The following CYP7B1 variants were observed in gnomAD, a reference collection of about 807,000 sequenced individuals.
CYP7B1 encodes cytochrome P450 family 7 subfamily B member 1, also known as cytochrome P450 7B1.
CYP7B1 carries 29 observed loss-of-function variants against 42.7 expected under a neutral mutation model. The ratio of observed to expected loss-of-function variants is 0.68; its 90% confidence interval spans 0.51 to 0.93. The LOEUF (loss-of-function observed/expected upper bound fraction) is 0.93, where lower values mean the gene tolerates loss of function less well. Ranked by LOEUF, CYP7B1 falls within the 40% of genes least tolerant of loss-of-function variation. The pLI, the probability that CYP7B1 is intolerant of heterozygous loss-of-function variation, is 0.00. For synonymous variants in CYP7B1, 235 were observed against 218.2 expected (o/e 1.08, Z -0.68); for missense variants, 655 against 600.5 (o/e 1.09, Z -0.95).
At chr8:64,638,587 G>A (rs1805808495) in intron 1 of CYP7B1, among the ~76,000 whole-genome samples, 1 of 152,084 alleles carries the variant, frequency 6.6e-6, no homozygotes, top group Non-Finnish European at 1.5e-5. Context: ...ATAGACAGAA[G>A]ATATCAGGCC....
intron 1 of CYP7B1, among the ~76,000 whole-genome samples, chr8:64,766,501 C>T (rs1005908699): frequency 1.0e-4 from 15 of 149,584 alleles, no homozygotes; most frequent in South Asian, 8.4e-4. Context: ...GCAGGCGGAA[C>T]GGGACAAACG....
intron 1 of CYP7B1, among the ~76,000 whole-genome samples, chr8:64,633,661 A>G (rs1414676209): frequency 6.6e-6 from 1 of 152,194 alleles, no homozygotes; most frequent in Non-Finnish European, 1.5e-5. Flanking sequence ...ATGCACATGG[A>G]TAGGAAGAGT....
intron 1 of CYP7B1, among the ~76,000 whole-genome samples, chr8:64,751,422 T>C (rs946432759): frequency 8.5e-5 from 13 of 152,208 alleles, no homozygotes; most frequent in African/African-American, 2.9e-4. Context: ...AATATATGAA[T>C]ATAATTCCAT....
chr8:64,741,370 A>G (rs545661974), intron 1 of CYP7B1, among the ~76,000 whole-genome samples: 2 of 151,816 alleles, frequency 1.3e-5, no homozygotes, highest in Non-Finnish European at 2.9e-5. Context: ...CCCAGGTTGG[A>G]GTGTAATGGC....
intron 1 of CYP7B1, among the ~76,000 whole-genome samples, chr8:64,627,695 T>G (rs186682219): frequency 2.4e-3 from 370 of 152,318 alleles, no homozygotes; most frequent in African/African-American, 8.2e-3. Context: ...GAAGCTATTT[T>G]ATTGTTACAA....
intron 4 of CYP7B1, among the ~76,000 whole-genome samples, chr8:64,610,200 C>T (rs1204959552): frequency 1.3e-5 from 2 of 152,176 alleles, no homozygotes; most frequent in Non-Finnish European, 2.9e-5. Flanking sequence ...TATTATCTAA[C>T]CACCTTAGCT....
intron 1 of CYP7B1, among the ~76,000 whole-genome samples, chr8:64,744,200 T>C (rs1177593047): frequency 2.0e-5 from 3 of 152,188 alleles, no homozygotes; most frequent in Non-Finnish European, 1.5e-5. Flanking sequence ...AAATATTGTC[T>C]GTTTATTAAT....
At chr8:64,620,187 A>G (rs1805506645) in intron 2 of CYP7B1, among the ~76,000 whole-genome samples, 1 of 152,140 alleles carries the variant, frequency 6.6e-6, no homozygotes, top group South Asian at 2.1e-4. Flanking sequence ...ACCTATCTCT[A>G]AAAAAAGAAG....
intron 1 of CYP7B1, among the ~76,000 whole-genome samples, chr8:64,724,412 G>C (rs1455137696): frequency 6.6e-6 from 1 of 152,146 alleles, no homozygotes; most frequent in African/African-American, 2.4e-5. Context: ...CTCCCAAAGT[G>C]CTGGGATTAC....
At position 64,798,409 on chromosome 8, in the gene CYP7B1, C is replaced by A; in HGVS notation, c.122+57G>T. On this transcript the variant is annotated intron_variant, in intron 1 of 5. Coordinates refer to ENST00000310193, the MANE Select transcript of CYP7B1 (RefSeq NM_004820.5). ...GGGGGACTCCCCTCGCCATCTGGGT[C>A]GCGCGCGGCCCGCGGGGCCCAGGGC... is the stretch of plus-strand genomic sequence containing the variant. 4 of 1,441,908 alleles carry A rather than the reference C, an allele frequency of 2.8e-6. No individual in the cohort carries two copies. The South Asian group carries it at 5.8e-5, about 21-fold the overall frequency. 89.3% of individuals were successfully genotyped at this position (1,441,908 alleles called of 1,614,324 possible).
intron 1 of CYP7B1, among the ~76,000 whole-genome samples, chr8:64,723,523 A>T (rs1294786485): frequency 6.6e-6 from 1 of 152,234 alleles, no homozygotes; most frequent in Non-Finnish European, 1.5e-5. Context: ...TGAAATCTTT[A>T]TTAACACATT....
In CYP7B1 at chr8:64,594,367, C is replaced by A. The variant is rs756818238; in HGVS notation, c.*2275G>T. Among the ~76,000 whole-genome samples the A allele has an allele frequency of 7.2e-5, 11 of 152,056 alleles. No individual in the cohort carries two copies. Among genetic ancestry groups the A allele is most frequent in the Admixed American group, 2.0e-4 (3 of 15,262 alleles). ...ATAGTAGTATACTATGTATATACTA[C>A]AGAAATATGAATATATCTTTAAAAT... On this transcript the variant is annotated 3_prime_UTR_variant, in exon 6 of 6. Coordinates refer to ENST00000310193, the MANE Select transcript of CYP7B1 (RefSeq NM_004820.5).
intron 1 of CYP7B1, among the ~76,000 whole-genome samples, chr8:64,748,824 T>C (rs539533001): frequency 1.2e-4 from 19 of 152,276 alleles, no homozygotes; most frequent in Middle Eastern, 3.4e-3. Context: ...CAACAAATAG[T>C]GTTGAGCATT....
At chr8:64,660,965 A>G (rs1297429839) in intron 1 of CYP7B1, among the ~76,000 whole-genome samples, 2 of 152,248 alleles carry the variant, frequency 1.3e-5, no homozygotes, top group Non-Finnish European at 2.9e-5. Flanking sequence ...AAGTATAGTA[A>G]GAAAAACTCA....
chr8:64,798,221 T>TG (rs1804736304), intron 1 of CYP7B1, among the ~76,000 whole-genome samples: 2 of 152,242 alleles, frequency 1.3e-5, no homozygotes, highest in Non-Finnish European at 2.9e-5. Context: ...ACCTAGGGCT[T>TG]ATTACAACTT....
At chr8:64,786,723 A>G (rs1454067432) in intron 1 of CYP7B1, among the ~76,000 whole-genome samples, 8 of 152,232 alleles carry the variant, frequency 5.3e-5, no homozygotes, top group Non-Finnish European at 8.8e-5. Flanking sequence ...GCAATGCCCC[A>G]GGAGTGACTC....
intron 2 of CYP7B1, 124 bp from the exon 3 acceptor site, chr8:64,616,405 T>A (rs1021748146): frequency 1.0e-5 from 7 of 688,424 alleles, no homozygotes; most frequent in Non-Finnish European, 1.7e-5. Context: ...GCAAAAAGTT[T>A]AATACAAATC....
At chr8:64,796,347 AACAG>A (rs1804701894) in intron 1 of CYP7B1, among the ~76,000 whole-genome samples, 2 of 152,208 alleles carry the variant, frequency 1.3e-5, no homozygotes, top group Non-Finnish European at 2.9e-5. Context: ...TTATTGAAGA[AACAG>A]ACAATTATTT....
intron 1 of CYP7B1, among the ~76,000 whole-genome samples, chr8:64,687,139 TA>T (rs71260898): frequency 0.084 from 12,411 of 148,550 alleles, 772 homozygotes; most frequent in African/African-American, 0.16. Flanking sequence ...AAAATAAATT[TA>T]AAAAAAAAAC....
Sources: gnomAD v4.1 joint callset for allele counts (sites outside exome capture counted in the v4.1 genomes callset) on GRCh38, gnomAD v4.1.1 for gene constraint, MANE v1.5 for transcripts, NCBI Gene and HGNC (gene_info 2026-07-23, HGNC 2026-07-21) for gene names.